The following SPMIP2 variants were observed in gnomAD, a reference collection of about 807,000 sequenced individuals.
SPMIP2 encodes the protein sperm microtubule inner protein 2.
At chr4:158,954,648 C>T in the SPMIP2 span, among the ~76,000 whole-genome samples, 375 of 152,310 alleles carry the variant, frequency 2.5e-3, 1 homozygote, top group African/African-American at 8.5e-3. Flanking sequence ...CTAAAGAAGT[C>T]CTATCCCTGG....
the SPMIP2 span, among the ~76,000 whole-genome samples, chr4:159,039,472 C>A: frequency 3.3e-5 from 5 of 152,198 alleles, no homozygotes; most frequent in East Asian, 9.6e-4. Context: ...GTTTGGCTGA[C>A]TAGTGAGTAG....
chr4:158,893,760 A>G, the SPMIP2 span: 196 of 1,431,646 alleles, frequency 1.4e-4, no homozygotes, highest in Non-Finnish European at 1.7e-4. Context: ...AGTTTACTTC[A>G]TAAGTATTTG....
chr4:159,075,235 C>T, the SPMIP2 span, among the ~76,000 whole-genome samples: 3 of 152,238 alleles, frequency 2.0e-5, no homozygotes, highest in African/African-American at 2.4e-5. Flanking sequence ...TATTTACCTA[C>T]AGACAGATAC....
chr4:159,050,573 C>G, the SPMIP2 span, among the ~76,000 whole-genome samples: 1 of 152,118 alleles, frequency 6.6e-6, no homozygotes, highest in African/African-American at 2.4e-5. Context: ...GAGGCTGAAG[C>G]AGGAGGATTG....
the SPMIP2 span, among the ~76,000 whole-genome samples, chr4:158,965,810 A>C: frequency 6.6e-6 from 1 of 152,236 alleles, no homozygotes; most frequent in Admixed American, 6.5e-5. Context: ...CTGCATGAGA[A>C]TAGAATAGAT....
At chr4:158,990,041 A>T in the SPMIP2 span, among the ~76,000 whole-genome samples, 1 of 152,226 alleles carries the variant, frequency 6.6e-6, no homozygotes, top group Non-Finnish European at 1.5e-5. Flanking sequence ...ACAAGGAAAA[A>T]AATACCTTAT....
chr4:158,967,919 A>T, the SPMIP2 span, among the ~76,000 whole-genome samples: 1 of 152,226 alleles, frequency 6.6e-6, no homozygotes, highest in Non-Finnish European at 1.5e-5. Flanking sequence ...CCATAATGCC[A>T]ATGATTATAT....
chr4:158,968,528 C>G, the SPMIP2 span, among the ~76,000 whole-genome samples: 1 of 152,188 alleles, frequency 6.6e-6, no homozygotes, highest in Non-Finnish European at 1.5e-5. Flanking sequence ...TGGCTCCAAT[C>G]TAATGTTCTG....
At chr4:158,942,504 C>T in the SPMIP2 span, among the ~76,000 whole-genome samples, 1 of 152,218 alleles carries the variant, frequency 6.6e-6, no homozygotes, top group Admixed American at 6.5e-5. Flanking sequence ...CACTGTGGCT[C>T]ACACCTGTAA....
At chr4:158,963,937 T>C in the SPMIP2 span, among the ~76,000 whole-genome samples, 78 of 151,948 alleles carry the variant, frequency 5.1e-4, no homozygotes, top group Non-Finnish European at 8.4e-4. Flanking sequence ...GGGCAGATCA[T>C]GAGGTCAGGA....
chr4:159,065,422 A>G, the SPMIP2 span, among the ~76,000 whole-genome samples: 1 of 152,162 alleles, frequency 6.6e-6, no homozygotes, highest in African/African-American at 2.4e-5. Flanking sequence ...AGTTCTTTAA[A>G]AACTATTTTT....
At chr4:159,016,784 T>C in the SPMIP2 span, among the ~76,000 whole-genome samples, 553 of 152,314 alleles carry the variant, frequency 3.6e-3, 4 homozygotes, top group African/African-American at 0.013. Context: ...GCTGGGCCAC[T>C]GGAGAAGGGG....
the SPMIP2 span, among the ~76,000 whole-genome samples, chr4:159,023,692 A>G: frequency 1.3e-5 from 2 of 152,322 alleles, no homozygotes; most frequent in African/African-American, 4.8e-5. Flanking sequence ...TTAGGCTCAC[A>G]TGTTATGGCA....
the SPMIP2 span, among the ~76,000 whole-genome samples, chr4:158,924,983 C>G: frequency 9.1e-4 from 138 of 152,266 alleles, no homozygotes; most frequent in Non-Finnish European, 1.7e-3. Context: ...TATTTTGTAT[C>G]TATATTCATA....
the SPMIP2 span, among the ~76,000 whole-genome samples, chr4:158,960,938 ATGAC>A: frequency 6.6e-6 from 1 of 151,264 alleles, no homozygotes; most frequent in African/African-American, 2.4e-5. Flanking sequence ...TACTGAATGA[ATGAC>A]TGCTATATAC....
chr4:158,973,259 A>C, the SPMIP2 span: 2 of 1,613,824 alleles, frequency 1.2e-6, no homozygotes. Flanking sequence ...GTTCTCCTAC[A>C]TAGGAGGTGT....
the SPMIP2 span, among the ~76,000 whole-genome samples, chr4:159,025,217 T>G: frequency 6.6e-6 from 1 of 152,136 alleles, no homozygotes; most frequent in Non-Finnish European, 1.5e-5. Flanking sequence ...CAGGCTGGAG[T>G]GCAGTGGCAT....
At chr4:159,023,074 A>G in the SPMIP2 span, among the ~76,000 whole-genome samples, 1 of 140,598 alleles carries the variant, frequency 7.1e-6, no homozygotes, top group African/African-American at 2.8e-5. Context: ...AATAAAATAA[A>G]ATAAAATAAA....
the SPMIP2 span, among the ~76,000 whole-genome samples, chr4:159,078,742 T>C: frequency 2.6e-5 from 4 of 152,172 alleles, no homozygotes; most frequent in South Asian, 2.1e-4. Flanking sequence ...ACATTGGAGA[T>C]AGAGGTGGTC....
Sources: gnomAD v4.1 joint callset for allele counts (sites outside exome capture counted in the v4.1 genomes callset) on GRCh38, gnomAD v4.1.1 for gene constraint, MANE v1.5 for transcripts, NCBI Gene and HGNC (gene_info 2026-07-23, HGNC 2026-07-21) for gene names.